Variants in EPB41L4A observed in about 807,000 individuals in gnomAD.
EPB41L4A encodes the protein erythrocyte membrane protein band 4.1 like 4A, also known as band 4.1-like protein 4A.
Under a neutral mutation model 108.6 loss-of-function variants are expected in EPB41L4A, and 100 were observed. The observed-to-expected ratio is 0.92, with a 90% confidence interval of 0.78 to 1.09. The LOEUF is 1.09. Ranked by LOEUF, EPB41L4A falls within the 50% of genes least tolerant of loss-of-function variation. The pLI is 0.00. For missense variants in EPB41L4A, 1,030 were observed against 842.7 expected (o/e 1.22, Z -2.75); for synonymous variants, 319 against 289.0 (o/e 1.10, Z -1.05).
chr5:112,155,891 G>A (rs951190041), intron 12 of EPB41L4A, among the ~76,000 whole-genome samples: 7 of 151,912 alleles, frequency 4.6e-5, no homozygotes, highest in East Asian at 1.9e-4. Flanking sequence ...TGATCAGAAC[G>A]TCTGATTTTC....
In EPB41L4A at chr5:112,162,704, G is replaced by A. The variant is rs2150181630; in HGVS notation, c.*2286C>T. On this transcript the variant is annotated 3_prime_UTR_variant, in exon 23 of 23. Transcript: ENST00000261486. ...GAGCACAACACAGTTCTTCCCTTTGGAAACATAGATAAGTGGAGGGAATGT... is the reference window on the plus strand; with the variant it reads ...GAGCACAACACAGTTCTTCCCTTTGAAAACATAGATAAGTGGAGGGAATGT... 1 of 152,304 alleles carries A rather than the reference G, an allele frequency of 6.6e-6. No homozygotes were observed. The highest frequency in any genetic ancestry group is 1.9e-4 in the East Asian group (1 of 5,190). The allele number at this position is 152,304 out of a possible 1,614,324, so 9.4% of individuals were successfully genotyped here.
At chr5:112,330,981 C>T (rs931853448) in intron 1 of EPB41L4A, among the ~76,000 whole-genome samples, 4 of 152,068 alleles carry the variant, frequency 2.6e-5, no homozygotes, top group South Asian at 2.1e-4. Context: ...GGTCAACAGG[C>T]CATCTTCCGT....
At chr5:112,226,494 C>CA (rs1748462993) in intron 12 of EPB41L4A, among the ~76,000 whole-genome samples, 1 of 152,158 alleles carries the variant, frequency 6.6e-6, no homozygotes. Flanking sequence ...CTAATTACTT[C>CA]AAATAGGGGA....
chr5:112,193,208 A>G (rs1278841634), intron 17 of EPB41L4A, among the ~76,000 whole-genome samples: 2 of 152,228 alleles, frequency 1.3e-5, no homozygotes, highest in Admixed American at 1.3e-4. Context: ...AGGATCACTG[A>G]TTCAATTTGT....
chr5:112,294,259 T>G (rs1395566504), intron 2 of EPB41L4A, among the ~76,000 whole-genome samples: 1 of 152,170 alleles, frequency 6.6e-6, no homozygotes, highest in African/African-American at 2.4e-5. Flanking sequence ...AGGCCTTTCA[T>G]AAGAGAAGGA....
At chr5:112,191,327 T>C (rs942021720) in intron 17 of EPB41L4A, among the ~76,000 whole-genome samples, 3 of 152,152 alleles carry the variant, frequency 2.0e-5, no homozygotes, top group Admixed American at 6.5e-5. Flanking sequence ...CCTTGTTAGC[T>C]CTGGACCCAA....
At chr5:112,383,640 T>A (rs1187424974) in intron 1 of EPB41L4A, among the ~76,000 whole-genome samples, 2 of 152,138 alleles carry the variant, frequency 1.3e-5, no homozygotes, top group African/African-American at 4.8e-5. Flanking sequence ...TACAAACAAG[T>A]GATCAGGATG....
intron 4 of EPB41L4A, among the ~76,000 whole-genome samples, chr5:112,266,749 T>C (rs375540225): frequency 6.6e-6 from 1 of 152,220 alleles, no homozygotes; most frequent in African/African-American, 2.4e-5. Flanking sequence ...ATGCTCTTAC[T>C]GGGAGGAAGA....
At chr5:112,216,391 G>C (rs1417378653) in intron 12 of EPB41L4A, among the ~76,000 whole-genome samples, 2 of 152,088 alleles carry the variant, frequency 1.3e-5, no homozygotes, top group African/African-American at 4.8e-5. Context: ...TTAATTTTTA[G>C]AGTGAGGGTG....
At chr5:112,384,620 A>G (rs879522564) in intron 1 of EPB41L4A, among the ~76,000 whole-genome samples, 3 of 151,546 alleles carry the variant, frequency 2.0e-5, no homozygotes, top group Admixed American at 2.0e-4. Context: ...TAGTTTAGAC[A>G]TGGGCATATT....
At position 112,260,047 on chromosome 5, in the gene EPB41L4A, CCATACA is replaced by C. The variant is rs1751391349; in HGVS notation, c.643-74_643-69del. 1.3e-5 allele frequency: 15 copies of C among 1,153,518 alleles called. No homozygotes were observed. The South Asian group carries it at 1.8e-4, about 14-fold the overall frequency. The allele number at this position is 1,153,518 out of a possible 1,614,324, so 71.5% of individuals were successfully genotyped here. A position where few individuals can be genotyped will look rare whatever the true frequency, so the allele number is the denominator to read the frequency against. ...AATCTCTTTGTCAAACTATAATTGA[CCATACA>C]AATATAATTTGTTACATTAATATTG... On this transcript the variant is annotated intron_variant, in intron 7 of 22. Transcript: ENST00000261486.
At chr5:112,219,705 AT>A (rs561456609) in intron 12 of EPB41L4A, among the ~76,000 whole-genome samples, 25 of 151,944 alleles carry the variant, frequency 1.6e-4, no homozygotes, top group South Asian at 1.5e-3. Flanking sequence ...TTGGAAAGCA[AT>A]TTTTTTTGAG....
At chr5:112,292,345 A>C (rs1322809639) in intron 2 of EPB41L4A, among the ~76,000 whole-genome samples, 1 of 152,218 alleles carries the variant, frequency 6.6e-6, no homozygotes, top group East Asian at 1.9e-4. Flanking sequence ...AATATCCTCT[A>C]TAAAATATCC....
At chr5:112,157,465 G>C (rs76379073) in intron 12 of EPB41L4A, among the ~76,000 whole-genome samples, 1 of 152,160 alleles carries the variant, frequency 6.6e-6, no homozygotes, top group Non-Finnish European at 1.5e-5. Context: ...CACAAATTTA[G>C]TGGCTTAAAA....
chr5:112,151,938 G>C (rs994511120), intron 12 of EPB41L4A, among the ~76,000 whole-genome samples: 1 of 151,974 alleles, frequency 6.6e-6, no homozygotes, highest in Admixed American at 6.6e-5. Context: ...CACCATGTTG[G>C]CCAGGCTGGT....
intron 14 of EPB41L4A, among the ~76,000 whole-genome samples, chr5:112,205,149 G>A (rs542790932): frequency 1.3e-5 from 2 of 152,296 alleles, no homozygotes; most frequent in East Asian, 3.9e-4. Flanking sequence ...AGAGTTTTCA[G>A]AAATATATTA....
chr5:112,335,144 T>C (rs1334517520), intron 1 of EPB41L4A, among the ~76,000 whole-genome samples: 1 of 152,188 alleles, frequency 6.6e-6, no homozygotes, highest in East Asian at 1.9e-4. Context: ...TCTCGTCAGG[T>C]CCTGGCCAGG....
chr5:112,244,888 A>C (rs2150393471), intron 9 of EPB41L4A, among the ~76,000 whole-genome samples: 1 of 152,266 alleles, frequency 6.6e-6, no homozygotes, highest in South Asian at 2.1e-4. Flanking sequence ...TGCCCTTGTT[A>C]TCTACCTAAT....
At chr5:112,306,682 T>C (rs1221362066) in intron 2 of EPB41L4A, among the ~76,000 whole-genome samples, 2 of 152,200 alleles carry the variant, frequency 1.3e-5, no homozygotes, top group Admixed American at 6.5e-5. Flanking sequence ...TGTGCCTATC[T>C]GAAGCTAAGA....
Sources: allele counts gnomAD v4.1 joint callset (sites outside exome capture counted in the v4.1 genomes callset), GRCh38; gene constraint gnomAD v4.1.1; transcripts MANE v1.5; gene names NCBI Gene and HGNC (gene_info 2026-07-23, HGNC 2026-07-21).